Variants in PACSIN2 observed in about 807,000 individuals in gnomAD.
PACSIN2 encodes protein kinase C and casein kinase substrate in neurons 2, also known as protein kinase C and casein kinase substrate in neurons protein 2.
A neutral mutation model predicts 63.8 loss-of-function variants in PACSIN2; 25 were observed. The ratio of observed to expected loss-of-function variants is 0.39; its 90% confidence interval spans 0.29 to 0.55. PACSIN2 has a LOEUF of 0.55. Among genes scored for constraint, PACSIN2 ranks in the 20% least tolerant of loss-of-function variants. The pLI, the probability that PACSIN2 is intolerant of heterozygous loss-of-function variation, is 0.62. For synonymous variants in PACSIN2, 255 were observed against 256.2 expected, an observed-to-expected ratio of 1.00 and a Z score of 0.05; for missense variants, 518 against 646.9, an observed-to-expected ratio of 0.80 and a Z score of 2.16.
intron 8 of PACSIN2, among the ~76,000 whole-genome samples, chr22:42,877,476 GCCT>G (rs1422489154): frequency 6.6e-6 from 1 of 152,168 alleles, no homozygotes; most frequent in Admixed American, 6.5e-5. Flanking sequence ...AGCCCACACG[GCCT>G]CCTCCTGACT....
intron 1 of PACSIN2, among the ~76,000 whole-genome samples, chr22:42,990,673 G>A (rs185014397): frequency 1.7e-4 from 26 of 152,304 alleles, no homozygotes; most frequent in Middle Eastern, 3.4e-3. Context: ...TGTGGCAAGA[G>A]ATGAGACTCA....
rs1243160544 is a variant in PACSIN2 at position 42,893,618 on chromosome 22, G to A, written c.61-5C>T. 2.5e-6 allele frequency: 4 copies of A among 1,611,114 alleles called. No individual in the cohort carries two copies. In the Admixed American group the frequency reaches 5.0e-5, roughly 20 times the overall value. On this transcript the variant is annotated splice_polypyrimidine_tract_variant and splice_region_variant and intron_variant, in intron 2 of 10. Coordinates refer to ENST00000263246, the MANE Select transcript of PACSIN2 (RefSeq NM_001184970.3). ...AGTCCGCTTGTAGTTCCCGACCTAG[G>A]AGAGAGAACCAGCTGGGAGGCAGGG...
At chr22:42,897,597 A>T (rs1487189243) in intron 2 of PACSIN2, among the ~76,000 whole-genome samples, 1 of 152,196 alleles carries the variant, frequency 6.6e-6, no homozygotes, top group Non-Finnish European at 1.5e-5. Flanking sequence ...CTCAGAAACT[A>T]AGCTACCAAA....
At chr22:42,886,423 G>C (rs535767018) in intron 5 of PACSIN2, among the ~76,000 whole-genome samples, 2 of 123,744 alleles carry the variant, frequency 1.6e-5, no homozygotes, top group African/African-American at 2.7e-5. Flanking sequence ...TATGTAGGTA[G>C]GTAGGTAGGT....
At position 42,928,442 on chromosome 22, in the gene PACSIN2, T is replaced by C. The variant is rs140108200; in HGVS notation, c.-77-16285A>G. On this transcript the variant is annotated intron_variant, in intron 1 of 10. Coordinates refer to ENST00000263246, the MANE Select transcript of PACSIN2 (RefSeq NM_001184970.3). ...GAGCCTCACATAGCTTCTAATTTCA[T>C]GCATCAGAGTACAGAAATCAGGTTG... Among the ~76,000 whole-genome samples the C allele has an allele frequency of 3.1e-3, 471 of 152,370 alleles. 3 individuals are homozygous for C. Among genetic ancestry groups the C allele is most frequent in the African/African-American group, 0.011 (464 of 41,578 alleles).
intron 1 of PACSIN2, among the ~76,000 whole-genome samples, chr22:43,002,691 C>T (rs993824102): frequency 1.1e-4 from 17 of 151,974 alleles, no homozygotes; most frequent in Non-Finnish European, 7.4e-5. Flanking sequence ...TTTCTATTCT[C>T]GGGAATTTAT....
intron 1 of PACSIN2, among the ~76,000 whole-genome samples, chr22:43,013,550 GAACGAC>G (rs1363802086): frequency 1.3e-5 from 2 of 152,300 alleles, no homozygotes; most frequent in South Asian, 2.1e-4. Flanking sequence ...GAATCAAGTG[GAACGAC>G]AACATCTTGG....
At chr22:42,888,849 C>CATG in intron 4 of PACSIN2, 51 bp from the exon 5 acceptor site, 1 of 1,587,292 alleles carries the variant, frequency 6.3e-7, no homozygotes, top group South Asian at 1.1e-5. Flanking sequence ...GTTCAGGATC[C>CATG]TCACTAGAAG....
intron 1 of PACSIN2, among the ~76,000 whole-genome samples, chr22:43,014,351 C>CAG (rs1228549869): frequency 5.5e-5 from 1 of 18,058 alleles, no homozygotes; most frequent in Non-Finnish European, 8.8e-5. Flanking sequence ...CACACACACA[C>CAG]AGACACACAC....
intron 1 of PACSIN2, chr22:43,002,309 C>G (rs934556496): frequency 6.6e-6 from 1 of 152,168 alleles, no homozygotes; most frequent in African/African-American, 2.4e-5. Flanking sequence ...GAGATACCTA[C>G]CGCGATGGCT....
intron 2 of PACSIN2, among the ~76,000 whole-genome samples, chr22:42,907,367 A>G (rs1931147299): frequency 6.6e-6 from 1 of 152,246 alleles, no homozygotes; most frequent in Non-Finnish European, 1.5e-5. Flanking sequence ...TGATGCCTTA[A>G]TCCTTGCTCA....
intron 1 of PACSIN2, among the ~76,000 whole-genome samples, chr22:43,009,492 T>TC (rs1460192858): frequency 6.6e-6 from 1 of 152,206 alleles, no homozygotes; most frequent in Non-Finnish European, 1.5e-5. Context: ...TATGAAGCTG[T>TC]CCCCCTTCGT....
intron 1 of PACSIN2, among the ~76,000 whole-genome samples, chr22:42,916,237 CAA>C (rs1931798045): frequency 6.6e-6 from 1 of 152,200 alleles, no homozygotes; most frequent in Admixed American, 6.5e-5. Flanking sequence ...CCCTGGGCTT[CAA>C]AGTGTCCTTG....
At chr22:42,964,562 C>A (rs1920937575) in intron 1 of PACSIN2, among the ~76,000 whole-genome samples, 1 of 152,090 alleles carries the variant, frequency 6.6e-6, no homozygotes, top group Non-Finnish European at 1.5e-5. Context: ...CAGGACAGGG[C>A]AAGGGCAAGG....
chr22:42,921,304 A>G (rs779889079), intron 1 of PACSIN2, among the ~76,000 whole-genome samples: 3 of 150,920 alleles, frequency 2.0e-5, no homozygotes, highest in African/African-American at 2.4e-5. Context: ...GGCTGCAGTG[A>G]GCCGAGATTG....
chr22:42,978,328 T>C (rs1921849334), intron 1 of PACSIN2, among the ~76,000 whole-genome samples: 1 of 152,240 alleles, frequency 6.6e-6, no homozygotes, highest in African/African-American at 2.4e-5. Context: ...GATTACCACC[T>C]AGCTGTTTAT....
intron 1 of PACSIN2, among the ~76,000 whole-genome samples, chr22:42,914,028 A>G (rs1931643749): frequency 6.6e-6 from 1 of 152,218 alleles, no homozygotes; most frequent in Non-Finnish European, 1.5e-5. Flanking sequence ...AGTCCTCCAA[A>G]GACATTGCCG....
chr22:42,955,834 A>G (rs1440888666), intron 1 of PACSIN2, among the ~76,000 whole-genome samples: 2 of 152,236 alleles, frequency 1.3e-5, no homozygotes, highest in Admixed American at 1.3e-4. Flanking sequence ...ACTGGTGATC[A>G]GTCTACTACG....
At chr22:42,928,533 ACTCCTTT>A (rs1932678411) in intron 1 of PACSIN2, among the ~76,000 whole-genome samples, 2 of 152,064 alleles carry the variant, frequency 1.3e-5, no homozygotes, top group East Asian at 3.8e-4. Context: ...TAGATGTGAA[ACTCCTTT>A]AATATGTAAG....
Sources: gnomAD v4.1 joint callset for allele counts (sites outside exome capture counted in the v4.1 genomes callset) on GRCh38, gnomAD v4.1.1 for gene constraint, MANE v1.5 for transcripts, NCBI Gene and HGNC (gene_info 2026-07-23, HGNC 2026-07-21) for gene names.